The following SPMIP10 variants were observed in gnomAD, a reference collection of about 807,000 sequenced individuals.
SPMIP10 encodes the protein sperm-associated microtubule inner protein 10.
the SPMIP10 span, among the ~76,000 whole-genome samples, chr5:126,631,981 G>A: frequency 1.1e-4 from 17 of 152,094 alleles, no homozygotes; most frequent in South Asian, 2.1e-4. Flanking sequence ...TCTGACCTGA[G>A]TGTAGAGCAT....
the SPMIP10 span, among the ~76,000 whole-genome samples, chr5:126,635,171 AATAT>A: frequency 0.14 from 20,147 of 140,060 alleles, 2,194 homozygotes; most frequent in African/African-American, 0.31. Context: ...CCGTCTGTGA[AATAT>A]ATATATATAT....
chr5:126,632,355 G>A, the SPMIP10 span, among the ~76,000 whole-genome samples: 1 of 151,056 alleles, frequency 6.6e-6, no homozygotes, highest in African/African-American at 2.4e-5. Context: ...CAGATACCTG[G>A]CCCTGACTTG....
At chr5:126,635,930 G>A in the SPMIP10 span, 1 of 983,340 alleles carries the variant, frequency 1.0e-6, no homozygotes, top group Non-Finnish European at 1.5e-6. Context: ...CCAAATTGCT[G>A]GGATTACAGG....
chr5:126,632,943 C>T, the SPMIP10 span, among the ~76,000 whole-genome samples: 9,242 of 149,058 alleles, frequency 0.062, 292 homozygotes, highest in Middle Eastern at 0.16. Flanking sequence ...GCCAAGATTG[C>T]GCCACTGCAA....
the SPMIP10 span, among the ~76,000 whole-genome samples, chr5:126,634,090 A>G: frequency 0.18 from 27,406 of 152,156 alleles, 5,038 homozygotes; most frequent in African/African-American, 0.48. Flanking sequence ...TCCACTTCTA[A>G]GTATATGCTC....
At chr5:126,633,912 GCCT>G in the SPMIP10 span, among the ~76,000 whole-genome samples, 1 of 152,038 alleles carries the variant, frequency 6.6e-6, no homozygotes, top group African/African-American at 2.4e-5. Context: ...TCCTGCCTCA[GCCT>G]CCCAAAGTGC....
At chr5:126,635,489 G>A in the SPMIP10 span, among the ~76,000 whole-genome samples, 1 of 151,972 alleles carries the variant, frequency 6.6e-6, no homozygotes, top group Non-Finnish European at 1.5e-5. Context: ...GACTTGAAAA[G>A]GTCACGTTAA....
chr5:126,632,602 G>A, the SPMIP10 span: 413 of 1,612,044 alleles, frequency 2.6e-4, no homozygotes, highest in African/African-American at 4.0e-3. Context: ...ATCCCAAGAC[G>A]TTATGTCATG....
chr5:126,632,462 G>A, the SPMIP10 span: 1 of 779,590 alleles, frequency 1.3e-6, no homozygotes, highest in South Asian at 1.5e-5. Context: ...AAACATGAAT[G>A]CACAACTGCC....
the SPMIP10 span, chr5:126,636,209 A>G: frequency 1.9e-6 from 3 of 1,614,046 alleles, no homozygotes; most frequent in Non-Finnish European, 2.5e-6. Context: ...AAGCACTGTG[A>G]TTTCCCATGG....
chr5:126,633,008 CATATATATAT>C, the SPMIP10 span, among the ~76,000 whole-genome samples: 3 of 125,368 alleles, frequency 2.4e-5, no homozygotes, highest in South Asian at 2.4e-4. Flanking sequence ...ATAAATTTTA[CATATATATAT>C]ATATATATAT....
the SPMIP10 span, chr5:126,632,544 AG>A: frequency 6.6e-7 from 1 of 1,515,284 alleles, no homozygotes; most frequent in Non-Finnish European, 9.2e-7. Flanking sequence ...CCTAATCATC[AG>A]GTATGAAGAG....
chr5:126,634,511 G>T, the SPMIP10 span, among the ~76,000 whole-genome samples: 1 of 152,222 alleles, frequency 6.6e-6, no homozygotes, highest in East Asian at 1.9e-4. Flanking sequence ...GCATATCAAG[G>T]TCATTTTCAA....
chr5:126,635,940 GC>G, the SPMIP10 span: 5 of 1,083,356 alleles, frequency 4.6e-6, no homozygotes, highest in Middle Eastern at 9.9e-4. Flanking sequence ...GGGATTACAG[GC>G]ATGAGCCATG....
chr5:126,633,778 C>G, the SPMIP10 span, among the ~76,000 whole-genome samples: 1 of 152,130 alleles, frequency 6.6e-6, no homozygotes, highest in Non-Finnish European at 1.5e-5. Flanking sequence ...ATCCTCCCAC[C>G]TCAGCCTCCT....
chr5:126,632,258 TAAA>T, the SPMIP10 span, among the ~76,000 whole-genome samples: 5,256 of 56,532 alleles, frequency 0.093, 205 homozygotes, highest in East Asian at 0.31. Context: ...TCCATCTCAT[TAAA>T]AAAAAAAAAA....
the SPMIP10 span, among the ~76,000 whole-genome samples, chr5:126,633,034 A>ATATATATATATATATATATAT: frequency 9.2e-6 from 1 of 108,300 alleles, no homozygotes; most frequent in African/African-American, 7.6e-5. Flanking sequence ...TATATATATA[A>ATATATATATATATATATATAT]TTTAGTATGT....
At chr5:126,636,188 T>C in the SPMIP10 span, 9 of 1,614,018 alleles carry the variant, frequency 5.6e-6, no homozygotes, top group South Asian at 7.7e-5. Flanking sequence ...TTCGCCTCTC[T>C]CCAGATACCA....
the SPMIP10 span, among the ~76,000 whole-genome samples, chr5:126,635,173 T>TAA: frequency 1.2e-5 from 1 of 86,118 alleles, no homozygotes; most frequent in Non-Finnish European, 2.0e-5. Flanking sequence ...GTCTGTGAAA[T>TAA]ATATATATAT....
Sources: allele counts gnomAD v4.1 joint callset (sites outside exome capture counted in the v4.1 genomes callset), GRCh38; gene constraint gnomAD v4.1.1; transcripts MANE v1.5; gene names NCBI Gene and HGNC (gene_info 2026-07-23, HGNC 2026-07-21).